Variants in CNTNAP2 observed in about 807,000 individuals in gnomAD.
The protein encoded by CNTNAP2 is contactin associated protein 2.
Under a neutral mutation model 155.2 loss-of-function variants are expected in CNTNAP2, and 98 were observed. The ratio of observed to expected loss-of-function variants is 0.63; its 90% confidence interval spans 0.54 to 0.75. The LOEUF (loss-of-function observed/expected upper bound fraction) is 0.75, where lower values mean the gene tolerates loss of function less well. Among genes scored for constraint, CNTNAP2 ranks in the 30% least tolerant of loss-of-function variants. The probability of loss-of-function intolerance (pLI) is 0.00; values close to 1 mark genes in which losing one functional copy is unlikely to be tolerated. For synonymous variants in CNTNAP2, 651 were observed against 631.2 expected (o/e 1.03, Z -0.47); for missense variants, 1,727 against 1,688.1 (o/e 1.02, Z -0.40).
chr7:147,067,620 C>T (rs1362546431), intron 4 of CNTNAP2, among the ~76,000 whole-genome samples: 1 of 152,186 alleles, frequency 6.6e-6, no homozygotes, highest in African/African-American at 2.4e-5. Context: ...ATAATCTGAA[C>T]TGTCCCTAGA....
At chr7:147,171,822 AT>A (rs11374000) in intron 8 of CNTNAP2, among the ~76,000 whole-genome samples, 20 of 150,202 alleles carry the variant, frequency 1.3e-4, no homozygotes, top group South Asian at 4.2e-4. Context: ...TGAGTCAGGC[AT>A]TTTTTTTTTC....
intron 1 of CNTNAP2, among the ~76,000 whole-genome samples, chr7:146,594,339 C>T (rs758720666): frequency 6.6e-6 from 1 of 151,968 alleles, no homozygotes; most frequent in Non-Finnish European, 1.5e-5. Context: ...ATGAGCCTGG[C>T]TTGGTAATCA....
chr7:146,172,727 T>A (rs911916386), intron 1 of CNTNAP2, among the ~76,000 whole-genome samples: 1 of 152,194 alleles, frequency 6.6e-6, no homozygotes, highest in East Asian at 1.9e-4. Context: ...TGTAGTACAG[T>A]GTTAACACTT....
At chr7:146,837,526 AT>A (rs1803641892) in intron 2 of CNTNAP2, among the ~76,000 whole-genome samples, 1 of 151,954 alleles carries the variant, frequency 6.6e-6, no homozygotes, top group Admixed American at 6.6e-5. Flanking sequence ...TAATTTCATC[AT>A]TTCTGTTATT....
chr7:147,114,219 T>C (rs1331001420), intron 5 of CNTNAP2, among the ~76,000 whole-genome samples: 1 of 152,210 alleles, frequency 6.6e-6, no homozygotes, highest in Non-Finnish European at 1.5e-5. Context: ...TGTTGAGTGT[T>C]TTACTTTCAA....
chr7:146,592,160 G>A (rs989415516), intron 1 of CNTNAP2, among the ~76,000 whole-genome samples: 1 of 152,172 alleles, frequency 6.6e-6, no homozygotes, highest in African/African-American at 2.4e-5. Flanking sequence ...CTGTTCAGTA[G>A]GATGGAAAAT....
At chr7:147,625,230 A>T (rs1251645120) in intron 12 of CNTNAP2, among the ~76,000 whole-genome samples, 1 of 152,198 alleles carries the variant, frequency 6.6e-6, no homozygotes, top group Non-Finnish European at 1.5e-5. Flanking sequence ...TTAATTGTAC[A>T]TTTTAAAATA....
At chr7:146,741,755 G>T (rs187803357) in intron 1 of CNTNAP2, among the ~76,000 whole-genome samples, 1 of 152,232 alleles carries the variant, frequency 6.6e-6, no homozygotes, top group Admixed American at 6.5e-5. Flanking sequence ...TTTGAATATT[G>T]CATGAGGCCG....
intron 10 of CNTNAP2, among the ~76,000 whole-genome samples, chr7:147,482,559 A>G (rs1798439689): frequency 6.6e-6 from 1 of 151,832 alleles, no homozygotes; most frequent in East Asian, 2.0e-4. Flanking sequence ...CCTACAAAAA[A>G]TACAAAAAAA....
Position 146,197,287 on chromosome 7 carries a change from A to G in CNTNAP2, c.97+80314A>G, listed in dbSNP as rs189018155. 1.8e-3 allele frequency among the ~76,000 whole-genome samples: 278 copies of G among 152,324 alleles called. 1 individual carries two copies. The highest frequency in any genetic ancestry group is 4.3e-3 in the Admixed American group (66 of 15,296). Reference sequence around the variant, plus strand: ...ACAAAACAAAGGAATTATTTGTAGGAACTTACTAAAGAATGTCTGTTTGCA... The same window carrying G: ...ACAAAACAAAGGAATTATTTGTAGGGACTTACTAAAGAATGTCTGTTTGCA... On this transcript the variant is annotated intron_variant, in intron 1 of 23. Coordinates refer to ENST00000361727, the MANE Select transcript of CNTNAP2 (RefSeq NM_014141.6).
intron 19 of CNTNAP2, among the ~76,000 whole-genome samples, chr7:148,218,686 G>C (rs187535872): frequency 1.3e-5 from 2 of 152,144 alleles, no homozygotes; most frequent in East Asian, 3.9e-4. Flanking sequence ...CACCATGCCC[G>C]GCCCAGGGGT....
chr7:147,828,337 T>C lies in CNTNAP2; in HGVS notation c.2099-75228T>C, dbSNP rs577076369. On this transcript the variant is annotated intron_variant, in intron 13 of 23. Transcript: ENST00000361727. ...TTCTAACTGGAAGGGGCTTGGGCAT[T>C]TCATTTAATACCACTAAGTTTCAAT... Among the ~76,000 whole-genome samples, 30 of 152,298 alleles carry C rather than the reference T, an allele frequency of 2.0e-4. 2 individuals are homozygous for C. In the South Asian group the frequency reaches 6.0e-3, roughly 31 times the overall value.
At chr7:148,228,828 A>AAAAAAC (rs1491298024) in intron 19 of CNTNAP2, among the ~76,000 whole-genome samples, 55 of 22,562 alleles carry the variant, frequency 2.4e-3, no homozygotes, top group African/African-American at 6.7e-3. Flanking sequence ...ACTCTGTTTC[A>AAAAAAC]AAAAAAAAAA....
chr7:146,263,627 T>C (rs1799953236), intron 1 of CNTNAP2, among the ~76,000 whole-genome samples: 1 of 152,202 alleles, frequency 6.6e-6, no homozygotes, highest in Non-Finnish European at 1.5e-5. Flanking sequence ...CTAGAGGTTG[T>C]AGACAGAGCA....
intron 21 of CNTNAP2, among the ~76,000 whole-genome samples, chr7:148,326,731 G>A (rs968208804): frequency 2.6e-5 from 4 of 152,110 alleles, no homozygotes; most frequent in African/African-American, 9.7e-5. Context: ...CGGGCATGGT[G>A]GTGGGCACCT....
At chr7:147,403,487 C>T (rs777351805) in intron 10 of CNTNAP2, among the ~76,000 whole-genome samples, 120 of 152,272 alleles carry the variant, frequency 7.9e-4, no homozygotes, top group Non-Finnish European at 1.5e-3. Flanking sequence ...ATTCAGTCAA[C>T]AAATACTTCT....
rs571562978 is a variant in CNTNAP2, at chr7:147,226,284, G to A, written c.1349-73857G>A. 2.0e-4 allele frequency among the ~76,000 whole-genome samples: 30 copies of A among 152,198 alleles called. No homozygotes were observed. In the South Asian group the frequency reaches 5.8e-3, roughly 29 times the overall value. On this transcript the variant is annotated intron_variant, in intron 8 of 23. Coordinates refer to ENST00000361727, the MANE Select transcript of CNTNAP2 (RefSeq NM_014141.6). The stretch of plus-strand genomic sequence containing the variant: ...TTGTTGCAGCTGTTGCAATATGATC[G>A]AGGTCTTTACTGACCCAGTGAAAAC...
At chr7:146,201,375 T>TA (rs1798856812) in intron 1 of CNTNAP2, among the ~76,000 whole-genome samples, 1 of 152,146 alleles carries the variant, frequency 6.6e-6, no homozygotes, top group Middle Eastern at 3.2e-3. Flanking sequence ...TTAAGTATCC[T>TA]AAAAAAGAAG....
intron 3 of CNTNAP2, among the ~76,000 whole-genome samples, chr7:146,978,919 A>G (rs112653290): frequency 0.039 from 5,918 of 152,218 alleles, 136 homozygotes; most frequent in South Asian, 0.076. Flanking sequence ...ATTTTGTTAC[A>G]GTTAAACACA....
Sources: gnomAD v4.1 joint callset for allele counts (sites outside exome capture counted in the v4.1 genomes callset) on GRCh38, gnomAD v4.1.1 for gene constraint, MANE v1.5 for transcripts, NCBI Gene and HGNC (gene_info 2026-07-23, HGNC 2026-07-21) for gene names.